ZBTB7C: variants seen among roughly 807,000 people sequenced by gnomAD.
The protein encoded by ZBTB7C is zinc finger and BTB domain containing 7C, also known as zinc finger and BTB domain-containing protein 7C.
In ZBTB7C, 8 loss-of-function variants were observed where a neutral mutation model predicts 25.7. The ratio of observed to expected loss-of-function variants is 0.31; its 90% CI spans 0.18 to 0.56. The LOEUF (loss-of-function observed/expected upper bound fraction) is 0.56, where lower values mean the gene tolerates loss of function less well. ZBTB7C is among the 20% of genes least tolerant of loss of function. ZBTB7C has a pLI of 0.91. For missense variants in ZBTB7C, 824 were observed against 855.2 expected (o/e 0.96, Z 0.46); for synonymous variants, 394 against 369.0 (o/e 1.07, Z -0.78).
chr18:48,161,235 G>C lies in ZBTB7C; in HGVS notation c.-17+24699C>G, dbSNP rs565710751. ...GACCCAGAGGGCCTGGGGGACGGGG[G>C]CAGGGAAAGAGAAAGAGCACGTGCA... On this transcript the variant is annotated intron_variant, in intron 3 of 4. Transcript: ENST00000590800. Among the ~76,000 whole-genome samples, 5 of 152,110 alleles carry C rather than the reference G, an allele frequency of 3.3e-5. No homozygotes were observed. The South Asian group carries it at 6.2e-4, about 19-fold the overall frequency.
chr18:48,231,152 G>C (rs1481067335), intron 2 of ZBTB7C, among the ~76,000 whole-genome samples: 1 of 152,172 alleles, frequency 6.6e-6, no homozygotes. Context: ...AGGCAGACAG[G>C]CTCCTGGGTA....
intron 3 of ZBTB7C, among the ~76,000 whole-genome samples, chr18:48,073,566 T>C (rs1280562433): frequency 6.6e-6 from 1 of 152,182 alleles, no homozygotes; most frequent in African/African-American, 2.4e-5. Flanking sequence ...GCTGCTCTTC[T>C]GGGCCAAAGG....
chr18:48,227,150 A>G (rs911087887), intron 2 of ZBTB7C, among the ~76,000 whole-genome samples: 1 of 152,166 alleles, frequency 6.6e-6, no homozygotes, highest in Non-Finnish European at 1.5e-5. Context: ...AGAGCCAGCC[A>G]TGCCTGAAAA....
intron 2 of ZBTB7C, among the ~76,000 whole-genome samples, chr18:48,302,339 T>C (rs1446668418): frequency 6.6e-6 from 1 of 152,170 alleles, no homozygotes; most frequent in Non-Finnish European, 1.5e-5. Context: ...CTTGGCCATT[T>C]CCACTAACTC....
intron 1 of ZBTB7C, among the ~76,000 whole-genome samples, chr18:48,400,950 C>G (rs1410333390): frequency 2.0e-5 from 3 of 152,198 alleles, no homozygotes; most frequent in Non-Finnish European, 2.9e-5. Context: ...ACTACAAAGA[C>G]CAAACCATGC....
chr18:48,177,639 G>A (rs1416436292), intron 3 of ZBTB7C, among the ~76,000 whole-genome samples: 3 of 152,000 alleles, frequency 2.0e-5, no homozygotes, highest in East Asian at 3.9e-4. Context: ...CCATGAAATC[G>A]CCCCTCAGGC....
intron 2 of ZBTB7C, among the ~76,000 whole-genome samples, chr18:48,243,270 C>A (rs77244214): frequency 0.02 from 1,743 of 87,724 alleles, 2 homozygotes; most frequent in East Asian, 0.052. Context: ...TACCCCCCCA[C>A]AAAAAAAAAA....
At chr18:48,036,892 C>T (rs975992682) in intron 4 of ZBTB7C, among the ~76,000 whole-genome samples, 4 of 152,204 alleles carry the variant, frequency 2.6e-5, no homozygotes, top group Non-Finnish European at 5.9e-5. Context: ...AAACCTCAAC[C>T]TGGACAGACC....
intron 2 of ZBTB7C, among the ~76,000 whole-genome samples, chr18:48,299,768 G>C (rs1043167153): frequency 6.6e-6 from 1 of 152,258 alleles, no homozygotes; most frequent in Non-Finnish European, 1.5e-5. Context: ...TGGGGAGAGA[G>C]AGTTCACGGA....
Position 48,040,723 on chromosome 18 carries a change from G to C in ZBTB7C, c.385C>G (p.Pro129Ala). Residue 129 changes from proline (P) to alanine (A), a missense_variant, in exon 4 of 5, where the codon CCT becomes GCT. By Grantham distance (27) the Pro-to-Ala change is conservative. Coordinates refer to ENST00000590800, the MANE Select transcript of ZBTB7C (RefSeq NM_001318841.2). The stretch of plus-strand genomic sequence containing the variant: ...TCCTCCTCCCCCCCGTCCCCCCCAG[G>C]CTCCATGATCTCCAGGCACACGTTC... Reference protein sequence around the residue: ...IVNVCLEIMEPGGDGGEEDDK... With the variant: ...IVNVCLEIMEAGGDGGEEDDK... 1 of 1,613,594 alleles carries C rather than the reference G, an allele frequency of 6.2e-7. No individual in the cohort carries two copies. The highest frequency in any genetic ancestry group is 1.7e-5 in the Admixed American group (1 of 59,972).
intron 3 of ZBTB7C, among the ~76,000 whole-genome samples, chr18:48,109,228 A>T (rs2039145328): frequency 6.6e-6 from 1 of 152,206 alleles, no homozygotes; most frequent in Admixed American, 6.5e-5. Flanking sequence ...GAATGCAAGC[A>T]CTGCAGACCC....
chr18:48,158,646 T>G (rs2040909594), intron 3 of ZBTB7C, among the ~76,000 whole-genome samples: 1 of 152,198 alleles, frequency 6.6e-6, no homozygotes, highest in Non-Finnish European at 1.5e-5. Context: ...TCCTAGTTCC[T>G]AGGCCCTCTT....
intron 2 of ZBTB7C, among the ~76,000 whole-genome samples, chr18:48,264,848 T>C (rs1258280002): frequency 6.6e-6 from 1 of 152,160 alleles, no homozygotes; most frequent in African/African-American, 2.4e-5. Context: ...CTCTTTTCCA[T>C]CTGTCGTCTC....
chr18:48,410,217 C>A (rs1056282854), upstream of ZBTB7C, among the ~76,000 whole-genome samples: 2 of 152,162 alleles, frequency 1.3e-5, no homozygotes, highest in African/African-American at 4.8e-5. Flanking sequence ...CACCTGAAAC[C>A]GCAAGCTTGC....
intron 3 of ZBTB7C, among the ~76,000 whole-genome samples, chr18:48,164,722 G>C (rs931606680): frequency 2.0e-5 from 3 of 152,106 alleles, no homozygotes; most frequent in South Asian, 2.1e-4. Flanking sequence ...CTCTCAGAAA[G>C]CTCAGCATAA....
chr18:48,141,300 C>T (rs2040341562), intron 3 of ZBTB7C, among the ~76,000 whole-genome samples: 1 of 152,138 alleles, frequency 6.6e-6, no homozygotes. Flanking sequence ...TCTTGTGCCC[C>T]ATTATCTATT....
chr18:48,362,716 GAC>G (rs35131478), intron 1 of ZBTB7C, among the ~76,000 whole-genome samples: 16,641 of 152,124 alleles, frequency 0.11, 1,050 homozygotes, highest in Non-Finnish European at 0.14. Context: ...TCTAAAACAA[GAC>G]GCATGGGTTA....
At chr18:48,191,707 G>A (rs567641608) in intron 2 of ZBTB7C, among the ~76,000 whole-genome samples, 2 of 152,344 alleles carry the variant, frequency 1.3e-5, no homozygotes, top group South Asian at 4.1e-4. Context: ...TTCACAGCAG[G>A]TGGGCCAGCC....
chr18:48,140,942 C>T (rs1426193472), intron 3 of ZBTB7C, among the ~76,000 whole-genome samples: 1 of 152,224 alleles, frequency 6.6e-6, no homozygotes, highest in Non-Finnish European at 1.5e-5. Flanking sequence ...CACCTCCTAA[C>T]TGGTCTCTCT....
Sources: allele counts gnomAD v4.1 joint callset (sites outside exome capture counted in the v4.1 genomes callset), GRCh38; gene constraint gnomAD v4.1.1; transcripts MANE v1.5; gene names NCBI Gene and HGNC (gene_info 2026-07-23, HGNC 2026-07-21).